Variants in TBC1D1 observed in about 807,000 individuals in gnomAD.
TBC1D1 encodes TBC1 (tre-2/USP6, BUB2, cdc16) domain family, member 1.
A neutral mutation model predicts 125.6 loss-of-function variants in TBC1D1; 89 were observed. The observed-to-expected ratio is 0.71, with a 90% CI of 0.60 to 0.85. The LOEUF (loss-of-function observed/expected upper bound fraction) is 0.85, where lower values mean the gene tolerates loss of function less well. Ranked by LOEUF, TBC1D1 falls within the 40% of genes least tolerant of loss-of-function variation. The probability of loss-of-function intolerance (pLI) is 0.00; values close to 1 mark genes in which losing one functional copy is unlikely to be tolerated. For missense variants in TBC1D1, 1,377 were observed against 1,469.2 expected, an observed-to-expected ratio of 0.94 and a Z score of 1.03; for synonymous variants, 565 against 564.1, an observed-to-expected ratio of 1.00 and a Z score of -0.02.
chr4:38,081,106 C>T (rs1364950), intron 12 of TBC1D1, among the ~76,000 whole-genome samples: 26,810 of 152,086 alleles, frequency 0.18, 2,666 homozygotes, highest in East Asian at 0.45. Flanking sequence ...TCTGCGTGTT[C>T]GTTGCTGGCC....
intron 11 of TBC1D1, 124 bp downstream of exon 12, chr4:38,052,184 TGTGTGTGTGTGC>T (rs1192975152): frequency 2.7e-5 from 21 of 782,570 alleles, no homozygotes; most frequent in Middle Eastern, 2.4e-4. Context: ...TGTGTGTGTG[TGTGTGTGTGTGC>T]GCGCGCGTGT....
rs575644987 is a variant in TBC1D1 at position 38,137,310 on chromosome 4, C to A, written c.3482C>A (p.Thr1161Lys). 12 of 1,610,958 alleles carry A rather than the reference C, an allele frequency of 7.4e-6. No individual in the cohort carries two copies. Among genetic ancestry groups the A allele is most frequent in the South Asian group, 1.1e-5 (1 of 90,908 alleles). Reference sequence around the variant, plus strand: ...CCCAGCGACCGGGAGCCTGAGTGCACGCAGCCCGAGCCCACGGGCGACTGA... The same window carrying A: ...CCCAGCGACCGGGAGCCTGAGTGCAAGCAGCCCGAGCCCACGGGCGACTGA... Residue 1161 changes from threonine to lysine, a missense_variant, in exon 20 of 20, where the codon ACG (threonine) becomes AAG (lysine). Transcript: ENST00000261439.
intron 19 of TBC1D1, among the ~76,000 whole-genome samples, chr4:38,136,137 C>T (rs140357899): frequency 3.7e-4 from 56 of 152,218 alleles, no homozygotes; most frequent in African/African-American, 1.3e-3. Context: ...TCTTAGGGAA[C>T]CCTTTAATGT....
At chr4:37,908,096 GT>G (rs1297604526) in intron 2 of TBC1D1, among the ~76,000 whole-genome samples, 1 of 152,100 alleles carries the variant, frequency 6.6e-6, no homozygotes, top group Admixed American at 6.5e-5. Context: ...AATGGCGGGG[GT>G]TCTTGAGATG....
chr4:38,086,522 T>C (rs1256551172), intron 12 of TBC1D1, among the ~76,000 whole-genome samples: 1 of 152,222 alleles, frequency 6.6e-6, no homozygotes, highest in African/African-American at 2.4e-5. Flanking sequence ...ATTTAGTTCA[T>C]GTAGAGGTGA....
intron 2 of TBC1D1, among the ~76,000 whole-genome samples, chr4:37,933,055 AC>A (rs1309148498): frequency 0.022 from 3,185 of 147,238 alleles, 143 homozygotes; most frequent in African/African-American, 0.075. Context: ...CCATTTAAAA[AC>A]AAAAAAACAA....
At chr4:38,012,358 G>A (rs921738746) in intron 2 of TBC1D1, among the ~76,000 whole-genome samples, 1 of 152,122 alleles carries the variant, frequency 6.6e-6, no homozygotes, top group Non-Finnish European at 1.5e-5. Flanking sequence ...TTGGCTTACT[G>A]CAGCCTCCAT....
chr4:37,982,206 T>A (rs987384213), intron 2 of TBC1D1, among the ~76,000 whole-genome samples: 2 of 152,196 alleles, frequency 1.3e-5, no homozygotes, highest in African/African-American at 4.8e-5. Context: ...GCCCTTCTGT[T>A]TACCAGCACA....
chr4:38,054,435 C>T (rs1409612541), intron 12 of TBC1D1, 97 bp downstream of exon 14: 8 of 1,509,648 alleles, frequency 5.3e-6, no homozygotes, highest in Non-Finnish European at 6.3e-6. Context: ...GCGCCGTCCT[C>T]TTCAGTATTG....
chr4:38,090,199 C>A, intron 13 of TBC1D1, 82 bp downstream of exon 15: 2 of 1,349,662 alleles, frequency 1.5e-6, no homozygotes, highest in Non-Finnish European at 2.1e-6. Context: ...AGCATGCTGT[C>A]TTAAAAATAC....
chr4:37,985,062 C>G (rs558280454), intron 2 of TBC1D1, among the ~76,000 whole-genome samples: 159 of 151,892 alleles, frequency 1.0e-3, no homozygotes, highest in Non-Finnish European at 1.9e-3. Context: ...AAGCAATTCT[C>G]TTGCCTCAGC....
chr4:38,092,761 A>AATT (rs1363769799), intron 13 of TBC1D1, among the ~76,000 whole-genome samples: 2 of 151,740 alleles, frequency 1.3e-5, no homozygotes, highest in Non-Finnish European at 2.9e-5. Flanking sequence ...AGAAAGAAGT[A>AATT]ATTATTTTTC....
chr4:37,909,210 TGCATGTTACCTC>T (rs2152245446), intron 2 of TBC1D1, among the ~76,000 whole-genome samples: 2 of 152,330 alleles, frequency 1.3e-5, no homozygotes, highest in East Asian at 3.9e-4. Flanking sequence ...CTCTCTGGGC[TGCATGTTACCTC>T]GCATATTAAA....
At chr4:37,986,506 C>T (rs1213383568) in intron 2 of TBC1D1, among the ~76,000 whole-genome samples, 1 of 152,084 alleles carries the variant, frequency 6.6e-6, no homozygotes, top group East Asian at 1.9e-4. Context: ...ATTGCAGTGG[C>T]GCGATCTCGG....
intron 2 of TBC1D1, among the ~76,000 whole-genome samples, chr4:38,003,884 AAG>A (rs1270689732): frequency 6.6e-6 from 1 of 151,880 alleles, no homozygotes; most frequent in Non-Finnish European, 1.5e-5. Context: ...AAAAAAAAAA[AAG>A]AGTTGGCCTT....
intron 2 of TBC1D1, among the ~76,000 whole-genome samples, chr4:37,954,393 A>T (rs1270409557): frequency 4.3e-5 from 1 of 23,350 alleles, no homozygotes; most frequent in Admixed American, 5.9e-4. Context: ...CATTCAGTAA[A>T]AAAAAAAAAA....
intron 12 of TBC1D1, among the ~76,000 whole-genome samples, chr4:38,064,972 C>A (rs1411962122): frequency 3.9e-5 from 6 of 151,944 alleles, no homozygotes; most frequent in Middle Eastern, 3.4e-3. Flanking sequence ...GCTCTGTCAC[C>A]CAGGCTGGAG....
chr4:38,083,041 C>T (rs533269173), intron 12 of TBC1D1, among the ~76,000 whole-genome samples: 27 of 152,252 alleles, frequency 1.8e-4, no homozygotes, highest in African/African-American at 6.0e-4. Flanking sequence ...CCTTCCCCTC[C>T]GTATGGCTCC....
At chr4:38,003,555 C>G (rs1046875218) in intron 2 of TBC1D1, among the ~76,000 whole-genome samples, 1 of 152,026 alleles carries the variant, frequency 6.6e-6, no homozygotes, top group Non-Finnish European at 1.5e-5. Context: ...AGCTTGTTGC[C>G]TCTAGGTACT....
Sources: gnomAD v4.1 joint callset for allele counts (sites outside exome capture counted in the v4.1 genomes callset) on GRCh38, gnomAD v4.1.1 for gene constraint, MANE v1.5 for transcripts, NCBI Gene and HGNC (gene_info 2026-07-23, HGNC 2026-07-21) for gene names.